HYDIN: variants seen among roughly 807,000 people sequenced by gnomAD.
The protein encoded by HYDIN is HYDIN axonemal central pair apparatus protein, also known as axonemal central pair apparatus protein HYDIN.
A neutral mutation model predicts 403.9 loss-of-function variants in HYDIN; 132 were observed. The ratio of observed to expected loss-of-function variants is 0.33; its 90% CI spans 0.28 to 0.38. The LOEUF is 0.38. Ranked by LOEUF, HYDIN falls within the 10% of genes least tolerant of loss-of-function variation. HYDIN has a pLI of 1.00. For synonymous variants in HYDIN, 1,202 were observed against 1,891.7 expected (o/e 0.64, Z 9.46); for missense variants, 2,827 against 5,009.5 (o/e 0.56, Z 13.15).
chr16:70,803,547 T>C lies in HYDIN; in HGVS notation c.*4033A>G, dbSNP rs1380728511. On this transcript the variant is annotated 3_prime_UTR_variant, in exon 86 of 86. Transcript: ENST00000393567. ...TGATGCTTGGTTGTTATGCTAGAAC[T>C]TGTAATAGTTCTGTAACAACTATTC... is the stretch of plus-strand genomic sequence containing the variant. 6.6e-6 allele frequency among the ~76,000 whole-genome samples: 1 copy of C among 152,236 alleles called. No homozygotes were observed.
chr16:71,027,457 C>T, intron 20 of HYDIN, 145 bp downstream of exon 20: 2 of 1,529,976 alleles, frequency 1.3e-6, no homozygotes, highest in Non-Finnish European at 1.7e-6. Context: ...GCAACGGATG[C>T]TACTATGGTA....
chr16:71,082,598 C>G (rs2082816864), intron 12 of HYDIN, among the ~76,000 whole-genome samples: 1 of 151,594 alleles, frequency 6.6e-6, no homozygotes, highest in Admixed American at 6.6e-5. Flanking sequence ...TTACCCTGCA[C>G]AGAGCAGGTG....
chr16:70,978,670 C>T (rs2078957847), intron 30 of HYDIN, among the ~76,000 whole-genome samples: 2 of 152,378 alleles, frequency 1.3e-5, no homozygotes, highest in South Asian at 4.1e-4. Flanking sequence ...GATCAGCCAT[C>T]TGATACCTCA....
intron 14 of HYDIN, among the ~76,000 whole-genome samples, chr16:71,068,793 T>C (rs1331181075): frequency 6.6e-6 from 1 of 152,238 alleles, no homozygotes; most frequent in Non-Finnish European, 1.5e-5. Context: ...GATAAGGCGC[T>C]GTTAGTGATA....
intron 7 of HYDIN, among the ~76,000 whole-genome samples, chr16:71,151,452 A>G (rs1247757620): frequency 1.3e-5 from 2 of 151,460 alleles, no homozygotes; most frequent in African/African-American, 2.4e-5. Context: ...TCAAGTTTCT[A>G]TCTACACACA....
chr16:71,139,607 A>C (rs2144543869), intron 7 of HYDIN, among the ~76,000 whole-genome samples: 1 of 152,090 alleles, frequency 6.6e-6, no homozygotes, highest in East Asian at 1.9e-4. Context: ...AAATTAGAAA[A>C]AATTCAAAAT....
At chr16:70,960,168 ATAAATGATGG>A (rs1163172701) in intron 38 of HYDIN, among the ~76,000 whole-genome samples, 1 of 149,464 alleles carries the variant, frequency 6.7e-6, no homozygotes, top group Non-Finnish European at 1.5e-5. Flanking sequence ...AAATGGCTGA[ATAAATGATGG>A]TAAATTCATA....
At chr16:70,919,429 G>A (rs1282827710) in intron 46 of HYDIN, among the ~76,000 whole-genome samples, 1 of 151,866 alleles carries the variant, frequency 6.6e-6, no homozygotes, top group South Asian at 2.1e-4. Context: ...AGTCCTTCCC[G>A]CCTGTGGTGC....
chr16:70,931,696 G>T (rs2077338980), intron 45 of HYDIN, among the ~76,000 whole-genome samples: 1 of 152,188 alleles, frequency 6.6e-6, no homozygotes, highest in Non-Finnish European at 1.5e-5. Context: ...TAGGCTATTA[G>T]ATGGAAGGAA....
intron 3 of HYDIN, among the ~76,000 whole-genome samples, chr16:71,184,075 G>C (rs897832442): frequency 1.3e-5 from 2 of 152,090 alleles, no homozygotes; most frequent in African/African-American, 2.4e-5. Context: ...GCAATGCTCA[G>C]AACAGTGAAG....
At position 70,979,110 on chromosome 16, in the gene HYDIN, T is replaced by C; in HGVS notation, c.4511-69A>G. The C allele has an allele frequency of 2.3e-6, 3 of 1,327,684 alleles. No homozygotes were observed. The East Asian group carries it at 7.1e-5, about 31-fold the overall frequency. The allele number at this position is 1,327,684 out of a possible 1,614,324, so 82.2% of individuals were successfully genotyped here. ...AGGAAGGTCAGAAAAATATGAATGA[T>C]GTCGCAAACACAGACCCTCAGCTCC... On this transcript the variant is annotated intron_variant, in intron 29 of 85. Transcript: ENST00000393567.
chr16:70,834,997 CAT>C (rs1198491412), intron 78 of HYDIN, among the ~76,000 whole-genome samples: 15 of 139,178 alleles, frequency 1.1e-4, no homozygotes, highest in South Asian at 4.3e-4. Context: ...TATATACACA[CAT>C]ATATATATAC....
At chr16:70,949,997 G>A (rs1166435558) in intron 41 of HYDIN, among the ~76,000 whole-genome samples, 1 of 151,394 alleles carries the variant, frequency 6.6e-6, no homozygotes, top group Non-Finnish European at 1.5e-5. Context: ...CACTATACTG[G>A]ATCCTGGAAA....
At chr16:71,195,977 G>A (rs1164990732) in intron 1 of HYDIN, among the ~76,000 whole-genome samples, 1 of 152,210 alleles carries the variant, frequency 6.6e-6, no homozygotes. Flanking sequence ...GCCAACTAAG[G>A]ACCATGTAGG....
intron 23 of HYDIN, among the ~76,000 whole-genome samples, chr16:70,997,039 G>A (rs1305016955): frequency 6.6e-6 from 1 of 151,314 alleles, no homozygotes; most frequent in Non-Finnish European, 1.5e-5. Context: ...GGGGTGATGG[G>A]AGACAGTGAC....
At chr16:70,888,498 G>C (rs1327564867) in intron 58 of HYDIN, among the ~76,000 whole-genome samples, 1 of 152,056 alleles carries the variant, frequency 6.6e-6, no homozygotes, top group African/African-American at 2.4e-5. Context: ...CAACTGATAC[G>C]TGCCTGGTGG....
chr16:71,185,457 T>C (rs1231675348), intron 2 of HYDIN, among the ~76,000 whole-genome samples: 1 of 152,174 alleles, frequency 6.6e-6, no homozygotes, highest in East Asian at 1.9e-4. Context: ...GATATGATGT[T>C]AGAGAGAAAT....
chr16:70,944,194 C>G (rs182214936), intron 41 of HYDIN, among the ~76,000 whole-genome samples: 1 of 152,192 alleles, frequency 6.6e-6, no homozygotes, highest in African/African-American at 2.4e-5. Context: ...TTCATTCATT[C>G]GATAATTATT....
At chr16:70,856,069 T>A (rs1351432404) in intron 72 of HYDIN, among the ~76,000 whole-genome samples, 1 of 147,052 alleles carries the variant, frequency 6.8e-6, no homozygotes, top group East Asian at 1.9e-4. Flanking sequence ...TTGATAGTTT[T>A]CTTCATGTAG....
Sources: gnomAD v4.1 joint callset for allele counts (sites outside exome capture counted in the v4.1 genomes callset) on GRCh38, gnomAD v4.1.1 for gene constraint, MANE v1.5 for transcripts, NCBI Gene and HGNC (gene_info 2026-07-23, HGNC 2026-07-21) for gene names.